ITGA6: variants seen among roughly 807,000 people sequenced by gnomAD.
ITGA6 encodes integrin subunit alpha 6, also known as integrin alpha-6.
In ITGA6, 63 loss-of-function variants were observed where a neutral mutation model predicts 133.6. That is an observed-to-expected ratio of 0.47 (90% CI 0.38 to 0.58). ITGA6 has a LOEUF of 0.58. Ranked by LOEUF, ITGA6 falls within the 20% of genes least tolerant of loss-of-function variation. The probability of loss-of-function intolerance (pLI) is 0.00; values close to 1 mark genes in which losing one functional copy is unlikely to be tolerated. For missense variants in ITGA6, 1,068 were observed against 1,309.4 expected, an observed-to-expected ratio of 0.82 and a Z score of 2.85; for synonymous variants, 434 against 482.0, an observed-to-expected ratio of 0.90 and a Z score of 1.30.
At chr2:172,480,684 A>G (rs1370047597) in intron 11 of ITGA6, among the ~76,000 whole-genome samples, 1 of 152,228 alleles carries the variant, frequency 6.6e-6, no homozygotes, top group Non-Finnish European at 1.5e-5. Context: ...AACAATGCCT[A>G]GTAGTCATTA....
chr2:172,504,787 T>C lies in ITGA6; in HGVS notation c.*719T>C, dbSNP rs143976962. The stretch of plus-strand genomic sequence containing the variant: ...CATCCTACCGTCTTTTCCTGTTTCC[T>C]AGCTGTGTGAATACCTGCTCACGTC... On this transcript the variant is annotated 3_prime_UTR_variant, in exon 26 of 26. Coordinates refer to ENST00000684293, the MANE Select transcript of ITGA6 (RefSeq NM_000210.4). 1.0e-3 allele frequency: 154 copies of C among 152,918 alleles called. No homozygotes were observed. In the Middle Eastern group the frequency reaches 0.01, roughly 10 times the overall value. The allele number at this position is 152,918 out of a possible 1,614,324, so 9.5% of individuals were successfully genotyped here.
intron 1 of ITGA6, among the ~76,000 whole-genome samples, chr2:172,443,008 G>A (rs1343823973): frequency 6.6e-6 from 1 of 151,942 alleles, no homozygotes; most frequent in Non-Finnish European, 1.5e-5. Context: ...ACAGTCACAT[G>A]GTACAAATAT....
At chr2:172,440,005 G>A (rs1325712287) in intron 1 of ITGA6, among the ~76,000 whole-genome samples, 1 of 152,126 alleles carries the variant, frequency 6.6e-6, no homozygotes, top group East Asian at 1.9e-4. Flanking sequence ...TGCTTACTAG[G>A]GCACTCCAAA....
intron 1 of ITGA6, among the ~76,000 whole-genome samples, chr2:172,453,933 C>T (rs970622343): frequency 1.3e-5 from 2 of 152,196 alleles, no homozygotes; most frequent in South Asian, 2.1e-4. Flanking sequence ...TGGAGCTGAC[C>T]TTCTGGGGAG....
chr2:172,501,731 A>G, intron 24 of ITGA6, 41 bp from the exon 25 acceptor site: 1 of 1,604,262 alleles, frequency 6.2e-7, no homozygotes, highest in South Asian at 1.1e-5. Flanking sequence ...GCTCTTATAC[A>G]CAAAACTGTA....
At chr2:172,490,740 T>A (rs991648526) in intron 20 of ITGA6, 18 of 366,272 alleles carry the variant, frequency 4.9e-5, no homozygotes, top group South Asian at 1.2e-4. Context: ...GCCCACAGTT[T>A]GGTGGGGATA....
intron 23 of ITGA6, among the ~76,000 whole-genome samples, chr2:172,497,536 A>G (rs2149095070): frequency 6.6e-6 from 1 of 151,732 alleles, no homozygotes; most frequent in East Asian, 1.9e-4. Context: ...ATTGTTCTCA[A>G]AAAGATACCA....
intron 5 of ITGA6, among the ~76,000 whole-genome samples, chr2:172,471,444 T>C (rs1243688000): frequency 6.6e-6 from 1 of 152,200 alleles, no homozygotes; most frequent in African/African-American, 2.4e-5. Flanking sequence ...AAAACATGCA[T>C]GGGTGTTCAC....
chr2:172,480,720 A>G (rs1243079237), intron 11 of ITGA6: 2 of 152,848 alleles, frequency 1.3e-5, no homozygotes, highest in Non-Finnish European at 2.9e-5. Context: ...CTGGAGATCA[A>G]CTGAGAAGAC....
chr2:172,480,522 G>A (rs187256304), intron 11 of ITGA6, among the ~76,000 whole-genome samples: 7 of 152,130 alleles, frequency 4.6e-5, no homozygotes, highest in Non-Finnish European at 7.4e-5. Flanking sequence ...CGGAACACCC[G>A]CCCTGTGTTC....
intron 20 of ITGA6, among the ~76,000 whole-genome samples, chr2:172,490,257 C>T (rs1020915056): frequency 6.6e-6 from 1 of 152,158 alleles, no homozygotes; most frequent in Non-Finnish European, 1.5e-5. Context: ...CTCAGTCACT[C>T]AGGCGTTAAG....
chr2:172,484,442 G>GGGTTCCTCTGCTTATCGTTAGAGTGTTA lies in ITGA6; in HGVS notation c.1550-319_1550-318insAGTGTTAGGTTCCTCTGCTTATCGTTAG, dbSNP rs1337158457. Among the ~76,000 whole-genome samples, 19 of 152,272 alleles carry GGGTTCCTCTGCTTATCGTTAGAGTGTTA rather than the reference G, an allele frequency of 1.2e-4. No homozygotes were observed. In the East Asian group the frequency reaches 3.5e-3, roughly 28 times the overall value. ...CAGTTTAGGTGCTCGGGGGAGTGTTGGGTTCCTCTGCTTATCGTTAGTATT... is the reference window on the plus strand; with the variant it reads ...CAGTTTAGGTGCTCGGGGGAGTGTTGGGTTCCTCTGCTTATCGTTAGAGTGTTAGGTTCCTCTGCTTATCGTTAGTATT... On this transcript the variant is annotated intron_variant, in intron 11 of 25. Coordinates refer to ENST00000684293, the MANE Select transcript of ITGA6 (RefSeq NM_000210.4).
chr2:172,481,467 G>A (rs903623946), intron 11 of ITGA6, among the ~76,000 whole-genome samples: 1 of 152,282 alleles, frequency 6.6e-6, no homozygotes, highest in Admixed American at 6.5e-5. Context: ...ACAGAATGAA[G>A]ATACTGACCT....
chr2:172,480,455 AG>A (rs1686389410), intron 11 of ITGA6, among the ~76,000 whole-genome samples: 1 of 151,796 alleles, frequency 6.6e-6, no homozygotes, highest in Non-Finnish European at 1.5e-5. Context: ...GGCAGGAGCC[AG>A]AGCACAGCAC....
At chr2:172,476,116 TG>T (rs2149050149) in intron 8 of ITGA6, among the ~76,000 whole-genome samples, 1 of 152,270 alleles carries the variant, frequency 6.6e-6, no homozygotes, top group Non-Finnish European at 1.5e-5. Flanking sequence ...TAGGGAGATT[TG>T]GTTTGAAATG....
chr2:172,458,803 G>A (rs906909592), intron 1 of ITGA6, among the ~76,000 whole-genome samples: 2 of 152,184 alleles, frequency 1.3e-5, no homozygotes, highest in African/African-American at 4.8e-5. Flanking sequence ...ACAAAGAACT[G>A]TAGGAAAACT....
intron 1 of ITGA6, among the ~76,000 whole-genome samples, chr2:172,441,046 C>T (rs1004137432): frequency 6.8e-6 from 1 of 146,242 alleles, no homozygotes; most frequent in African/African-American, 2.5e-5. Flanking sequence ...GTTCACTAAT[C>T]CCTTCTCCCC....
chr2:172,489,842 A>G, intron 20 of ITGA6, 184 bp downstream of exon 20: 1 of 600,860 alleles, frequency 1.7e-6, no homozygotes, highest in South Asian at 1.9e-5. Flanking sequence ...TTTGCTGGTT[A>G]ATGACCATTA....
At chr2:172,470,864 A>T in intron 4 of ITGA6, 110 bp from the exon 5 acceptor site, 2 of 1,110,266 alleles carry the variant, frequency 1.8e-6, no homozygotes, top group Admixed American at 2.2e-5. Context: ...TTTCCTCCAA[A>T]TTTTTTTTCC....
Sources: allele counts gnomAD v4.1 joint callset (sites outside exome capture counted in the v4.1 genomes callset), GRCh38; gene constraint gnomAD v4.1.1; transcripts MANE v1.5; gene names NCBI Gene and HGNC (gene_info 2026-07-23, HGNC 2026-07-21).